STRN: variants seen among roughly 807,000 people sequenced by gnomAD.
STRN encodes the protein protein phosphatase 2 regulatory subunit B'''alpha.
STRN carries 53 observed loss-of-function variants against 96.3 expected under a neutral mutation model. The ratio of observed to expected loss-of-function variants is 0.55; its 90% confidence interval spans 0.44 to 0.69. The LOEUF (loss-of-function observed/expected upper bound fraction) is 0.69. Ranked by LOEUF, STRN falls within the 30% of genes least tolerant of loss-of-function variation. STRN has a pLI of 0.00. For synonymous variants in STRN, 428 were observed against 355.9 expected (o/e 1.20, Z -2.28); for missense variants, 987 against 963.9 (o/e 1.02, Z -0.32).
intron 1 of STRN, among the ~76,000 whole-genome samples, chr2:36,954,828 G>A (rs552850866): frequency 9.9e-5 from 15 of 151,872 alleles, no homozygotes; most frequent in South Asian, 4.2e-4. Flanking sequence ...TAGTAGAAAC[G>A]GGGTTTCACC....
intron 1 of STRN, among the ~76,000 whole-genome samples, chr2:36,964,446 C>A (rs987835648): frequency 6.6e-6 from 1 of 152,000 alleles, no homozygotes; most frequent in Non-Finnish European, 1.5e-5. Flanking sequence ...TTATAGAATG[C>A]GCTGCTAATA....
At position 36,838,131 on chromosome 2, in the gene STRN, G is replaced by A. The variant is rs776878216; in HGVS notation, c.*11325C>T. Among the ~76,000 whole-genome samples the A allele has an allele frequency of 3.9e-5, 6 of 152,194 alleles. No individual in the cohort carries two copies. The highest frequency in any genetic ancestry group is 7.3e-5 in the Non-Finnish European group (5 of 68,036). On this transcript the variant is annotated 3_prime_UTR_variant, in exon 18 of 18. Coordinates refer to ENST00000263918, the MANE Select transcript of STRN (RefSeq NM_003162.4). Reference sequence around the variant, plus strand: ...CAGTTTTCTCTGGCTGGTAGAAGTAGAGTCAAAGTATAAAAATAATTTGAT... The same window carrying A: ...CAGTTTTCTCTGGCTGGTAGAAGTAAAGTCAAAGTATAAAAATAATTTGAT...
chr2:36,864,613 T>C (rs1668575381), intron 12 of STRN, among the ~76,000 whole-genome samples: 1 of 152,220 alleles, frequency 6.6e-6, no homozygotes, highest in Non-Finnish European at 1.5e-5. Context: ...GGCCTGAAGT[T>C]TTCCTTTCTG....
chr2:36,850,964 TG>T, intron 16 of STRN, 35 bp downstream of exon 16: 2 of 1,524,680 alleles, frequency 1.3e-6, no homozygotes, highest in Admixed American at 2.1e-5. Flanking sequence ...TTTTTTTTTT[TG>T]CTTTAATAAA....
chr2:36,964,051 T>C (rs1169890247), intron 1 of STRN, among the ~76,000 whole-genome samples: 3 of 151,396 alleles, frequency 2.0e-5, no homozygotes, highest in Non-Finnish European at 2.9e-5. Flanking sequence ...GAAAGCTACC[T>C]GAAGTTAATA....
At chr2:36,887,056 C>G (rs1669252262) in intron 7 of STRN, among the ~76,000 whole-genome samples, 1 of 137,634 alleles carries the variant, frequency 7.3e-6, no homozygotes. Flanking sequence ...CACACACACA[C>G]ACACACACAC....
intron 2 of STRN, among the ~76,000 whole-genome samples, chr2:36,921,815 G>A (rs1670263413): frequency 6.6e-6 from 1 of 152,098 alleles, no homozygotes; most frequent in Non-Finnish European, 1.5e-5. Flanking sequence ...ACTGAGGTCA[G>A]GAGATCTTTC....
chr2:36,849,996 C>T (rs1668181157), intron 16 of STRN, among the ~76,000 whole-genome samples, 196 bp from the exon 17 acceptor site: 1 of 152,182 alleles, frequency 6.6e-6, no homozygotes, highest in Non-Finnish European at 1.5e-5. Context: ...CCAAAAAAAG[C>T]TCAAATTTTA....
chr2:36,963,456 G>A (rs1665077663), intron 1 of STRN, among the ~76,000 whole-genome samples: 1 of 152,094 alleles, frequency 6.6e-6, no homozygotes. Context: ...AATTCCAGTA[G>A]CAAAAGAAAA....
intron 1 of STRN, among the ~76,000 whole-genome samples, chr2:36,945,185 C>T (rs1014946748): frequency 2.6e-5 from 4 of 151,386 alleles, no homozygotes; most frequent in Admixed American, 6.6e-5. Flanking sequence ...GGAAAAACAA[C>T]GATATTTTAT....
intron 1 of STRN, among the ~76,000 whole-genome samples, chr2:36,947,385 T>C (rs1664604888): frequency 1.3e-5 from 2 of 151,704 alleles, no homozygotes. Flanking sequence ...ACAAAAGACA[T>C]CACAAAGTAA....
chr2:36,905,833 T>A (rs961935473), intron 3 of STRN, among the ~76,000 whole-genome samples: 1 of 152,140 alleles, frequency 6.6e-6, no homozygotes, highest in Non-Finnish European at 1.5e-5. Context: ...TCCCTAAGAG[T>A]AGCAGAACTA....
chr2:36,936,175 A>G (rs971912019), intron 1 of STRN, among the ~76,000 whole-genome samples: 1 of 152,140 alleles, frequency 6.6e-6, no homozygotes, highest in African/African-American at 2.4e-5. Flanking sequence ...CTGCTTGCTT[A>G]TGTTCCTATT....
rs185204283 is a variant in STRN, at chr2:36,929,203, A to G, written c.235-3995T>C. On this transcript the variant is annotated intron_variant, in intron 1 of 17. Transcript: ENST00000263918. ...AATAATAGAAGGAAGACATTTTACT[A>G]TTTAAGTCTGCATGACAAAAAGAAA... 3.8e-3 allele frequency among the ~76,000 whole-genome samples: 582 copies of G among 152,332 alleles called. 3 individuals carry two copies. Among genetic ancestry groups the G allele is most frequent in the African/African-American group, 0.014 (565 of 41,578 alleles).
chr2:36,925,280 C>A, intron 1 of STRN, 72 bp from the exon 2 acceptor site: 1 of 1,017,858 alleles, frequency 9.8e-7, no homozygotes, highest in Non-Finnish European at 1.5e-6. Context: ...AGTAAAGAAC[C>A]ATTGGAAGTT....
intron 2 of STRN, among the ~76,000 whole-genome samples, chr2:36,920,638 C>CAA (rs1312882065): frequency 3.1e-4 from 19 of 62,130 alleles, no homozygotes; most frequent in African/African-American, 9.4e-4. Context: ...AACTCCGTCT[C>CAA]AAAAAAAAAA....
In STRN at chr2:36,844,827, T is replaced by C. The variant is rs1166177168; in HGVS notation, c.*4629A>G. ...GTGGCAAAAGTAAAAATGATTCAAA[T>C]TGACGAATGACCTGTCCTTTGTTTT... is the stretch of plus-strand genomic sequence containing the variant. On this transcript the variant is annotated 3_prime_UTR_variant, in exon 18 of 18. Coordinates refer to ENST00000263918, the MANE Select transcript of STRN (RefSeq NM_003162.4). 6.6e-6 allele frequency: 1 copy of C among 152,290 alleles called. No homozygotes were observed. The highest frequency in any genetic ancestry group is 3.4e-3 in the Middle Eastern group (1 of 294). 9.4% of individuals were successfully genotyped at this position (152,290 alleles called of 1,614,324 possible). A position where few individuals can be genotyped will look rare whatever the true frequency, so the allele number is the denominator to read the frequency against.
At chr2:36,906,194 T>A (rs1273663034) in intron 3 of STRN, among the ~76,000 whole-genome samples, 2 of 152,216 alleles carry the variant, frequency 1.3e-5, no homozygotes, top group African/African-American at 4.8e-5. Context: ...CTGGGCATGG[T>A]GGCTCACGCC....
At position 36,847,629 on chromosome 2, in the gene STRN, G is replaced by T. The variant is rs1478858757; in HGVS notation, c.*1827C>A. 4 of 152,130 alleles carry T rather than the reference G, an allele frequency of 2.6e-5. No homozygotes were observed. Among genetic ancestry groups the T allele is most frequent in the Admixed American group, 2.0e-4 (3 of 15,258 alleles). 9.4% of individuals were successfully genotyped at this position (152,130 alleles called of 1,614,324 possible). A position where few individuals can be genotyped will look rare whatever the true frequency, so the allele number is the denominator to read the frequency against. ...ACAAAGATGAAATGAAAAGGTAGCT[G>T]TATTACTACAGCATATCTGTATGAA... On this transcript the variant is annotated 3_prime_UTR_variant, in exon 18 of 18. Transcript: ENST00000263918.
Sources: gnomAD v4.1 joint callset for allele counts (sites outside exome capture counted in the v4.1 genomes callset) on GRCh38, gnomAD v4.1.1 for gene constraint, MANE v1.5 for transcripts, NCBI Gene and HGNC (gene_info 2026-07-23, HGNC 2026-07-21) for gene names.